The following PRKCA variants were observed in gnomAD, a reference collection of about 807,000 sequenced individuals.
PRKCA encodes the protein protein kinase C alpha type.
In PRKCA, 27 loss-of-function variants were observed where a neutral mutation model predicts 87.0. That is an observed-to-expected ratio of 0.31 (90% CI 0.23 to 0.43). PRKCA has a LOEUF of 0.43. Ranked by LOEUF, PRKCA falls within the 20% of genes least tolerant of loss-of-function variation. The pLI is 1.00. For synonymous variants in PRKCA, 329 were observed against 311.1 expected (o/e 1.06, Z -0.61); for missense variants, 518 against 852.3 (o/e 0.61, Z 4.88).
chr17:66,424,872 C>T lies in PRKCA; in HGVS notation c.206-71329C>T, dbSNP rs560316105. Among the ~76,000 whole-genome samples the T allele has an allele frequency of 3.5e-4, 53 of 152,038 alleles. 1 individual carries two copies. The South Asian group carries it at 0.011, about 31-fold the overall frequency. On this transcript the variant is annotated intron_variant, in intron 2 of 16. Transcript: ENST00000413366. Reference sequence around the variant, plus strand: ...TCAAGCGATTCTCCCGCCTCAGCCTCCCGAGTAGCTGGGACTACAGTCCTG... The same window carrying T: ...TCAAGCGATTCTCCCGCCTCAGCCTTCCGAGTAGCTGGGACTACAGTCCTG...
chr17:66,668,144 G>T (rs1972088019), intron 5 of PRKCA, among the ~76,000 whole-genome samples: 1 of 152,294 alleles, frequency 6.6e-6, no homozygotes, highest in South Asian at 2.1e-4. Flanking sequence ...GATAAACAGG[G>T]TCTTCGACCA....
At chr17:66,710,840 C>A (rs1973306983) in intron 8 of PRKCA, among the ~76,000 whole-genome samples, 1 of 151,564 alleles carries the variant, frequency 6.6e-6, no homozygotes, top group East Asian at 1.9e-4. Context: ...GACCAGCCTG[C>A]CCAACATGGT....
At chr17:66,521,446 A>G (rs1967157719) in intron 3 of PRKCA, among the ~76,000 whole-genome samples, 1 of 152,214 alleles carries the variant, frequency 6.6e-6, no homozygotes, top group South Asian at 2.1e-4. Flanking sequence ...TTTAATTCTC[A>G]ATTGCTTTTC....
intron 3 of PRKCA, among the ~76,000 whole-genome samples, chr17:66,565,511 A>G (rs2002475923): frequency 6.6e-6 from 1 of 152,216 alleles, no homozygotes; most frequent in Non-Finnish European, 1.5e-5. Flanking sequence ...CTCCACAATT[A>G]TAACGTGGGA....
intron 13 of PRKCA, among the ~76,000 whole-genome samples, chr17:66,764,282 C>T (rs1352941176): frequency 2.0e-5 from 3 of 152,194 alleles, no homozygotes; most frequent in Non-Finnish European, 4.4e-5. Context: ...CTTCCTGTGC[C>T]GTCCTCAAGC....
intron 3 of PRKCA, among the ~76,000 whole-genome samples, chr17:66,500,382 A>G (rs1024149791): frequency 1.3e-5 from 2 of 152,246 alleles, no homozygotes; most frequent in African/African-American, 4.8e-5. Flanking sequence ...GTGCTGCACC[A>G]GGGAGATAGT....
chr17:66,630,701 A>C (rs1456049952), intron 3 of PRKCA, among the ~76,000 whole-genome samples: 1 of 152,188 alleles, frequency 6.6e-6, no homozygotes, highest in African/African-American at 2.4e-5. Flanking sequence ...GTTGTTTGGT[A>C]CTGCTTTGTT....
chr17:66,688,143 G>A (rs912515327), intron 6 of PRKCA, among the ~76,000 whole-genome samples, 159 bp from the exon 7 acceptor site: 3 of 152,206 alleles, frequency 2.0e-5, no homozygotes, highest in Non-Finnish European at 4.4e-5. Flanking sequence ...GTTAACTCCT[G>A]TAGCGCTTTG....
intron 14 of PRKCA, chr17:66,775,615 C>T: frequency 2.0e-6 from 2 of 985,438 alleles, no homozygotes; most frequent in African/African-American, 1.7e-5. Context: ...TCTCCATAGC[C>T]AGAAGCCTTA....
chr17:66,636,781 T>G (rs1302495661), intron 3 of PRKCA, among the ~76,000 whole-genome samples: 1 of 152,194 alleles, frequency 6.6e-6, no homozygotes, highest in Non-Finnish European at 1.5e-5. Context: ...TATTTCTGCT[T>G]TATAAATAAA....
intron 8 of PRKCA, among the ~76,000 whole-genome samples, chr17:66,707,435 C>T (rs1466029557): frequency 6.6e-6 from 1 of 152,158 alleles, no homozygotes; most frequent in African/African-American, 2.4e-5. Flanking sequence ...GGTGTCTGAG[C>T]CAACATCTTT....
chr17:66,346,299 G>A (rs1029416914), intron 2 of PRKCA, among the ~76,000 whole-genome samples: 8 of 151,586 alleles, frequency 5.3e-5, no homozygotes, highest in Non-Finnish European at 2.9e-5. Flanking sequence ...GGGTTTCACC[G>A]TGTTAGCTAG....
At chr17:66,513,335 G>C (rs1403636068) in intron 3 of PRKCA, among the ~76,000 whole-genome samples, 4 of 152,196 alleles carry the variant, frequency 2.6e-5, no homozygotes, top group Non-Finnish European at 5.9e-5. Context: ...TGCCATGCCA[G>C]TGAAGCCTGA....
chr17:66,711,979 AC>A (rs1973341781), intron 8 of PRKCA, among the ~76,000 whole-genome samples: 1 of 152,048 alleles, frequency 6.6e-6, no homozygotes, highest in South Asian at 2.1e-4. Flanking sequence ...GTGTGTGAAA[AC>A]TGCCTTTCAA....
Position 66,809,934 on chromosome 17 carries a change from G to A in PRKCA, c.*5897G>A, listed in dbSNP as rs767527560. On this transcript the variant is annotated 3_prime_UTR_variant, in exon 17 of 17. Coordinates refer to ENST00000413366, the MANE Select transcript of PRKCA (RefSeq NM_002737.3). ...CTGGTCCCCAGGTCTCTCACCTTGGGTGAAGATTCAGAGATGCCCTGTAAG... is the reference window on the plus strand; with the variant it reads ...CTGGTCCCCAGGTCTCTCACCTTGGATGAAGATTCAGAGATGCCCTGTAAG... 2.3e-4 allele frequency: 35 copies of A among 152,274 alleles called. No individual in the cohort carries two copies. Among genetic ancestry groups the A allele is most frequent in the Admixed American group, 9.2e-4 (14 of 15,288 alleles). 9.4% of individuals were successfully genotyped at this position (152,274 alleles called of 1,614,324 possible).
intron 3 of PRKCA, among the ~76,000 whole-genome samples, chr17:66,579,548 T>C (rs186581412): frequency 6.6e-6 from 1 of 152,242 alleles, no homozygotes; most frequent in African/African-American, 2.4e-5. Flanking sequence ...ACTGCACACA[T>C]GTGAAAACTG....
At chr17:66,640,862 T>C (rs749012427) in intron 3 of PRKCA, 2 of 423,958 alleles carry the variant, frequency 4.7e-6, no homozygotes, top group South Asian at 1.7e-5. Context: ...GTATTCATTA[T>C]ATTAAAACAT....
At chr17:66,407,806 G>A (rs530088844) in intron 2 of PRKCA, among the ~76,000 whole-genome samples, 28 of 152,076 alleles carry the variant, frequency 1.8e-4, no homozygotes, top group African/African-American at 6.0e-4. Flanking sequence ...AGAATTTTAC[G>A]ATTTTCTAAC....
intron 8 of PRKCA, among the ~76,000 whole-genome samples, chr17:66,729,657 G>T (rs1353057098): frequency 2.0e-5 from 3 of 152,134 alleles, no homozygotes; most frequent in African/African-American, 7.2e-5. Flanking sequence ...TTTCAGTCTG[G>T]AAGCAAAAAT....
Sources: gnomAD v4.1 joint callset for allele counts (sites outside exome capture counted in the v4.1 genomes callset) on GRCh38, gnomAD v4.1.1 for gene constraint, MANE v1.5 for transcripts, NCBI Gene and HGNC (gene_info 2026-07-23, HGNC 2026-07-21) for gene names.